XPO4: variants seen among roughly 807,000 people sequenced by gnomAD.
XPO4 encodes the protein exportin-4.
Under a neutral mutation model 143.0 loss-of-function variants are expected in XPO4, and 39 were observed. That is an observed-to-expected ratio of 0.27 (90% CI 0.21 to 0.36). The LOEUF is 0.36. Ranked by LOEUF, XPO4 falls within the 10% of genes least tolerant of loss-of-function variation. The pLI is 1.00. For missense variants in XPO4, 907 were observed against 1,348.0 expected (o/e 0.67, Z 5.12); for synonymous variants, 439 against 474.0 (o/e 0.93, Z 0.96).
At chr13:20,784,302 T>A (rs551601347) in intron 22 of XPO4, among the ~76,000 whole-genome samples, 1 of 152,296 alleles carries the variant, frequency 6.6e-6, no homozygotes, top group Admixed American at 6.5e-5. Context: ...GTTTGACACA[T>A]AATCTAAGTC....
chr13:20,807,530 G>C lies in XPO4; in HGVS notation c.1744C>G (p.Leu582Val). The change falls in exon 13 of 23, where the codon CTT (leucine) becomes GTT (valine). Residue 582 changes from leucine to valine, a missense_variant. Coordinates refer to ENST00000255305, the MANE Select transcript of XPO4 (RefSeq NM_022459.5). ...TCTCCTGGAGATCCCAAAATTTGAA[G>C]TGTTGTATTAATGTCAACTTCAGAT... ...HSSEVDINTT[L>V]QILGSPGEKA... 6.2e-7 allele frequency: 1 copy of C among 1,613,576 alleles called. No homozygotes were observed. Among genetic ancestry groups the C allele is most frequent in the Non-Finnish European group, 8.5e-7 (1 of 1,179,828 alleles).
rs1449154905 is a variant in XPO4, at chr13:20,782,512, C to A, written c.*1210G>T. 1.3e-5 allele frequency: 2 copies of A among 152,628 alleles called. No homozygotes were observed. Among genetic ancestry groups the A allele is most frequent in the Non-Finnish European group, 2.9e-5 (2 of 68,050 alleles). The allele number at this position is 152,628 out of a possible 1,614,324, so 9.5% of individuals were successfully genotyped here. On this transcript the variant is annotated 3_prime_UTR_variant, in exon 23 of 23. Transcript: ENST00000255305. ...AAATTAAATTCACTGGCTCCCATGT[C>A]TGGATAAGAATTATTGCCCCTAATG...
intron 16 of XPO4, among the ~76,000 whole-genome samples, chr13:20,798,035 T>C (rs1037996359): frequency 5.3e-5 from 8 of 151,920 alleles, no homozygotes; most frequent in Non-Finnish European, 2.9e-5. Flanking sequence ...TCCCACCTAC[T>C]TAGGAGGCTG....
At chr13:20,805,874 C>G (rs1196789166) in intron 13 of XPO4, among the ~76,000 whole-genome samples, 2 of 151,526 alleles carry the variant, frequency 1.3e-5, no homozygotes, top group African/African-American at 4.8e-5. Flanking sequence ...ATGTTTCTAC[C>G]ATATAACATT....
intron 22 of XPO4, among the ~76,000 whole-genome samples, chr13:20,786,283 GTA>G (rs147465636): frequency 2.9e-5 from 4 of 138,182 alleles, no homozygotes; most frequent in Admixed American, 7.6e-5. Flanking sequence ...ATGCTGGGAG[GTA>G]TATATATATA....
chr13:20,799,105 T>A, intron 16 of XPO4, 60 bp downstream of exon 16: 1 of 1,438,122 alleles, frequency 7.0e-7, no homozygotes, highest in East Asian at 2.3e-5. Flanking sequence ...CGGCAACGCA[T>A]AGATAAAGGA....
chr13:20,791,468 T>C (rs2059279386), intron 18 of XPO4, among the ~76,000 whole-genome samples: 1 of 152,168 alleles, frequency 6.6e-6, no homozygotes. Flanking sequence ...ACATTCCAGA[T>C]GTCCAATATT....
chr13:20,810,713 T>A (rs927083736), intron 9 of XPO4, among the ~76,000 whole-genome samples: 9 of 152,200 alleles, frequency 5.9e-5, no homozygotes, highest in African/African-American at 2.2e-4. Flanking sequence ...AAGCTCTGAC[T>A]GGCTAAATAG....
At chr13:20,801,110 C>A (rs1021479826) in intron 13 of XPO4, 120 bp from the exon 14 acceptor site, 2 of 1,104,586 alleles carry the variant, frequency 1.8e-6, no homozygotes, top group African/African-American at 1.6e-5. Context: ...TCAGGCTATA[C>A]TTGAACATTT....
At chr13:20,880,321 A>G (rs2060395436) in intron 1 of XPO4, among the ~76,000 whole-genome samples, 2 of 152,072 alleles carry the variant, frequency 1.3e-5, no homozygotes, top group African/African-American at 4.8e-5. Context: ...AATCCCAGCT[A>G]CTCGGGAAGC....
intron 3 of XPO4, among the ~76,000 whole-genome samples, chr13:20,858,569 G>C (rs1474148300): frequency 2.6e-5 from 4 of 151,916 alleles, no homozygotes; most frequent in Non-Finnish European, 5.9e-5. Context: ...AAAAATGTTT[G>C]AGATAAAAAA....
intron 1 of XPO4, among the ~76,000 whole-genome samples, chr13:20,876,585 A>G (rs1187204799): frequency 1.3e-5 from 2 of 152,234 alleles, no homozygotes; most frequent in African/African-American, 4.8e-5. Context: ...TTTAATAGGA[A>G]GAAAACATAG....
intron 15 of XPO4, among the ~76,000 whole-genome samples, 179 bp downstream of exon 15, chr13:20,799,977 T>A (rs954185688): frequency 2.6e-5 from 4 of 152,156 alleles, no homozygotes; most frequent in Non-Finnish European, 5.9e-5. Flanking sequence ...AAAGCTCCAT[T>A]TGCATTTGTA....
chr13:20,812,531 A>G, intron 9 of XPO4, among the ~76,000 whole-genome samples: 1 of 152,130 alleles, frequency 6.6e-6, no homozygotes, highest in East Asian at 1.9e-4. Context: ...AAAATTACAA[A>G]TCATTAAAAA....
chr13:20,796,165 G>T lies in XPO4; in HGVS notation c.2708C>A (p.Ala903Glu), dbSNP rs1455140237. The T allele has an allele frequency of 6.2e-7, 1 of 1,613,536 alleles. No individual in the cohort carries two copies. Among genetic ancestry groups the T allele is most frequent in the Non-Finnish European group, 8.5e-7 (1 of 1,179,888 alleles). ...NLGRQRIDVT[A>E]EEEQYQDLLL... The stretch of plus-strand genomic sequence containing the variant: ...CAGGTCTTGGTATTGCTCTTCTTCT[G>T]CTGTAACATCTATTCTTTGCCGCCC... The change falls in exon 18 of 23, where the codon GCA becomes GAA. Residue 903 changes from alanine (A) to glutamate (E), a missense_variant. Physicochemically the swap from Ala to Glu is moderately radical, Grantham distance 107. Coordinates refer to ENST00000255305, the MANE Select transcript of XPO4 (RefSeq NM_022459.5).
chr13:20,888,807 C>CTT (rs887901371), intron 1 of XPO4, among the ~76,000 whole-genome samples: 5 of 144,656 alleles, frequency 3.5e-5, no homozygotes, highest in Non-Finnish European at 6.1e-5. Flanking sequence ...CAAAAAGACA[C>CTT]TTTTTTTTTT....
rs1276190545 is a variant in XPO4, at chr13:20,886,559, G to A, written c.69+16111C>T. Among the ~76,000 whole-genome samples, 4 of 152,146 alleles carry A rather than the reference G, an allele frequency of 2.6e-5. No homozygotes were observed. The East Asian group carries it at 7.7e-4, about 29-fold the overall frequency. On this transcript the variant is annotated intron_variant, in intron 1 of 22. Coordinates refer to ENST00000255305, the MANE Select transcript of XPO4 (RefSeq NM_022459.5). ...CCCAAGATGCGGTGGGTTCAAGACT[G>A]CAGAGGTCACGCTACTGCACACCAG... is the stretch of plus-strand genomic sequence containing the variant.
At chr13:20,856,864 G>A (rs887141288) in intron 3 of XPO4, 86 of 985,248 alleles carry the variant, frequency 8.7e-5, no homozygotes, top group Non-Finnish European at 1.0e-4. Flanking sequence ...TCTCCAGAAA[G>A]TTATTACTAA....
intron 2 of XPO4, among the ~76,000 whole-genome samples, chr13:20,865,233 G>C (rs913269676): frequency 6.6e-6 from 1 of 151,894 alleles, no homozygotes; most frequent in Admixed American, 6.6e-5. Flanking sequence ...CTGCCTCCCG[G>C]GTTCAAGTGA....
Sources: gnomAD v4.1 joint callset for allele counts (sites outside exome capture counted in the v4.1 genomes callset) on GRCh38, gnomAD v4.1.1 for gene constraint, MANE v1.5 for transcripts, NCBI Gene and HGNC (gene_info 2026-07-23, HGNC 2026-07-21) for gene names.